PRKN: variants seen among roughly 807,000 people sequenced by gnomAD.
PRKN encodes the protein parkin RBR E3 ubiquitin protein ligase.
PRKN carries 56 observed loss-of-function variants against 59.5 expected under a neutral mutation model. The observed-to-expected ratio is 0.94, with a 90% confidence interval of 0.76 to 1.18. The LOEUF is 1.18. Among genes scored for constraint, PRKN ranks in the 50% most tolerant of loss-of-function variants. The pLI, the probability that PRKN is intolerant of heterozygous loss-of-function variation, is 0.00. For synonymous variants in PRKN, 250 were observed against 222.1 expected (o/e 1.13, Z -1.12); for missense variants, 657 against 596.4 (o/e 1.10, Z -1.06).
At chr6:162,333,290 C>T (rs116361077) in intron 2 of PRKN, among the ~76,000 whole-genome samples, 1 of 150,316 alleles carries the variant, frequency 6.7e-6, no homozygotes, top group East Asian at 2.0e-4. Context: ...CACATGCAGG[C>T]ACACCTCTTG....
At chr6:162,147,613 A>AT (rs960423441) in intron 4 of PRKN, among the ~76,000 whole-genome samples, 3 of 152,224 alleles carry the variant, frequency 2.0e-5, no homozygotes, top group Middle Eastern at 3.4e-3. Context: ...ACAGATTTAT[A>AT]TTTTTTCTTT....
chr6:162,570,758 C>T (rs1780289345), intron 1 of PRKN, among the ~76,000 whole-genome samples: 1 of 151,800 alleles, frequency 6.6e-6, no homozygotes, highest in Admixed American at 6.6e-5. Flanking sequence ...ATCTAGTAAT[C>T]AAAACAGTTG....
intron 7 of PRKN, among the ~76,000 whole-genome samples, chr6:161,570,142 A>ATAT (rs1354971928): frequency 1.8e-4 from 23 of 130,900 alleles, no homozygotes; most frequent in African/African-American, 4.4e-4. Context: ...AAAAAAAAAA[A>ATAT]AAAAATATAT....
At chr6:161,836,128 G>A (rs554820774) in intron 6 of PRKN, among the ~76,000 whole-genome samples, 4 of 152,158 alleles carry the variant, frequency 2.6e-5, no homozygotes, top group South Asian at 2.1e-4. Flanking sequence ...CTCGGAGTGC[G>A]GCCTTTTTAC....
chr6:162,631,816 G>A (rs1783119418), intron 1 of PRKN, among the ~76,000 whole-genome samples: 2 of 151,912 alleles, frequency 1.3e-5, no homozygotes, highest in Admixed American at 1.3e-4. Context: ...AATTATGATA[G>A]TTTGAGGTTT....
intron 7 of PRKN, among the ~76,000 whole-genome samples, chr6:161,596,869 C>T (rs1781933553): frequency 6.6e-6 from 1 of 152,176 alleles, no homozygotes; most frequent in African/African-American, 2.4e-5. Flanking sequence ...GCCTGAGAGC[C>T]TTCCATGTCT....
chr6:161,725,493 C>T lies in PRKN; in HGVS notation c.871+60279G>A, dbSNP rs184607636. Among the ~76,000 whole-genome samples, 3 of 152,266 alleles carry T rather than the reference C, an allele frequency of 2.0e-5. No homozygotes were observed. The East Asian group carries it at 5.8e-4, about 29-fold the overall frequency. ...GGATGATAGATGCAGAAGTGATTTG[C>T]TAAAGGCACAGGCAGGGAAGAGCCT... is the stretch of plus-strand genomic sequence containing the variant. On this transcript the variant is annotated intron_variant, in intron 7 of 11. Coordinates refer to ENST00000366898, the MANE Select transcript of PRKN (RefSeq NM_004562.3).
At position 161,391,763 on chromosome 6, in the gene PRKN, G is replaced by A. The variant is rs1212156554; in HGVS notation, c.1084-4886C>T. On this transcript the variant is annotated intron_variant, in intron 9 of 11. Transcript: ENST00000366898. The surrounding 1 kb of genome is among the most constrained non-coding windows in gnomAD (Gnocchi z 4.9). ...TGATTCAATCTGTGGAAAGGCCTAA[G>A]AGCATAACTGAGCCTTCCCTGAGGA... is the stretch of plus-strand genomic sequence containing the variant. Among the ~76,000 whole-genome samples, 2 of 152,166 alleles carry A rather than the reference G, an allele frequency of 1.3e-5. No homozygotes were observed. The highest frequency in any genetic ancestry group is 3.9e-4 in the East Asian group (2 of 5,144).
At chr6:161,632,013 G>A (rs980787594) in intron 7 of PRKN, among the ~76,000 whole-genome samples, 1 of 152,102 alleles carries the variant, frequency 6.6e-6, no homozygotes, top group Non-Finnish European at 1.5e-5. Flanking sequence ...CATTAAAATG[G>A]TCTGTACAAA....
chr6:162,187,243 G>A (rs1315734036), intron 4 of PRKN, among the ~76,000 whole-genome samples: 3 of 152,182 alleles, frequency 2.0e-5, no homozygotes, highest in African/African-American at 4.8e-5. Flanking sequence ...CACCGGAGGA[G>A]GAACATCAGT....
rs555705196 is a variant in PRKN at position 162,001,392 on chromosome 6, C to T, written c.619-27975G>A. The stretch of plus-strand genomic sequence containing the variant: ...CCTAAATATTTCATTTTTAGAGGAG[C>T]TAATAATATTTTTAGAGGAGCTAAT... On this transcript the variant is annotated intron_variant, in intron 5 of 11. Coordinates refer to ENST00000366898, the MANE Select transcript of PRKN (RefSeq NM_004562.3). Among the ~76,000 whole-genome samples, 10 of 152,052 alleles carry T rather than the reference C, an allele frequency of 6.6e-5. No individual in the cohort carries two copies. In the South Asian group the frequency reaches 1.9e-3, roughly 28 times the overall value.
chr6:161,745,710 G>A (rs1396410697), intron 7 of PRKN, among the ~76,000 whole-genome samples: 2 of 152,150 alleles, frequency 1.3e-5, no homozygotes, highest in Non-Finnish European at 2.9e-5. Flanking sequence ...GGAGACCCTG[G>A]GAAGGCAGAC....
intron 6 of PRKN, among the ~76,000 whole-genome samples, chr6:161,970,820 G>A (rs1028834926): frequency 1.3e-5 from 2 of 152,168 alleles, no homozygotes; most frequent in African/African-American, 2.4e-5. Context: ...TTACAGGCGT[G>A]AGCCACCGTG....
At chr6:161,829,240 G>A (rs906893947) in intron 6 of PRKN, among the ~76,000 whole-genome samples, 24 of 151,914 alleles carry the variant, frequency 1.6e-4, no homozygotes, top group South Asian at 6.3e-4. Flanking sequence ...AAACAAAAAC[G>A]AAAACAAAAA....
In PRKN at chr6:162,314,073, AAAG is replaced by A. The variant is rs141210887; in HGVS notation, c.172-51311_172-51309del. On this transcript the variant is annotated intron_variant, in intron 2 of 11. Transcript: ENST00000366898. The stretch of plus-strand genomic sequence containing the variant: ...ATCGCCACCACCCAAGTCAAGACAC[AAAG>A]AAGGTTTCCATGTAGCGCTTGCTCT... Among the ~76,000 whole-genome samples the A allele has an allele frequency of 4.5e-3, 685 of 152,278 alleles. 8 individuals carry two copies. The highest frequency in any genetic ancestry group is 0.016 in the African/African-American group (648 of 41,564).
chr6:162,069,536 CAT>C (rs1258050810), intron 4 of PRKN, among the ~76,000 whole-genome samples: 16 of 152,240 alleles, frequency 1.1e-4, no homozygotes, highest in African/African-American at 3.9e-4. Flanking sequence ...CAAACAGAAA[CAT>C]GTCTTGCTTT....
intron 6 of PRKN, among the ~76,000 whole-genome samples, chr6:161,794,226 C>T (rs1188774523): frequency 6.6e-6 from 1 of 152,192 alleles, no homozygotes; most frequent in Non-Finnish European, 1.5e-5. Flanking sequence ...GCCACTTTTT[C>T]TGTTGCAGAC....
rs557611391 is a variant in PRKN at position 161,896,629 on chromosome 6, G to A, written c.734+76673C>T. Among the ~76,000 whole-genome samples the A allele has an allele frequency of 3.3e-5, 5 of 152,280 alleles. No individual in the cohort carries two copies. The East Asian group carries it at 9.7e-4, about 29-fold the overall frequency. On this transcript the variant is annotated intron_variant, in intron 6 of 11. Coordinates refer to ENST00000366898, the MANE Select transcript of PRKN (RefSeq NM_004562.3). ...ACGGCATGTAAGAACTAATGGCGAC[G>A]GGAGGAGCTGGGGGAGCAGGGGAGG...
chr6:161,742,570 G>T (rs1562648112), intron 7 of PRKN, among the ~76,000 whole-genome samples: 1 of 152,192 alleles, frequency 6.6e-6, no homozygotes, highest in Non-Finnish European at 1.5e-5. Flanking sequence ...ATTGTGGAAA[G>T]CAAGAACTGG....
Sources: allele counts gnomAD v4.1 joint callset (sites outside exome capture counted in the v4.1 genomes callset), GRCh38; gene constraint gnomAD v4.1.1; non-coding constraint Gnocchi (gnomAD v3.1); transcripts MANE v1.5; gene names NCBI Gene and HGNC (gene_info 2026-07-23, HGNC 2026-07-21).